PRMT9: variants seen among roughly 807,000 people sequenced by gnomAD.
PRMT9 encodes protein arginine N-methyltransferase 9.
Under a neutral mutation model 83.2 loss-of-function variants are expected in PRMT9, and 59 were observed. The observed-to-expected ratio is 0.71, with a 90% CI of 0.57 to 0.88. PRMT9 has a LOEUF of 0.88. Ranked by LOEUF, PRMT9 falls within the 40% of genes least tolerant of loss-of-function variation. The pLI is 0.00. For missense variants in PRMT9, 947 were observed against 1,021.9 expected (o/e 0.93, Z 1.00); for synonymous variants, 333 against 353.2 (o/e 0.94, Z 0.64).
chr4:147,670,963 T>A (rs1735687195), intron 4 of PRMT9, among the ~76,000 whole-genome samples: 1 of 152,122 alleles, frequency 6.6e-6, no homozygotes, highest in Non-Finnish European at 1.5e-5. Flanking sequence ...TCTCCTTGGT[T>A]TGGAAGATGG....
At chr4:147,663,558 GT>G (rs1735118440) in intron 6 of PRMT9, among the ~76,000 whole-genome samples, 1 of 152,184 alleles carries the variant, frequency 6.6e-6, no homozygotes, top group African/African-American at 2.4e-5. Context: ...TAGAGACAGG[GT>G]TTCGCTGTGT....
At chr4:147,647,421 C>A (rs1733800890) in intron 9 of PRMT9, among the ~76,000 whole-genome samples, 1 of 152,130 alleles carries the variant, frequency 6.6e-6, no homozygotes, top group Non-Finnish European at 1.5e-5. Flanking sequence ...AGCCACCAGT[C>A]CACCAAATTA....
chr4:147,643,812 T>C (rs1733565379), intron 9 of PRMT9, among the ~76,000 whole-genome samples: 1 of 152,102 alleles, frequency 6.6e-6, no homozygotes, highest in African/African-American at 2.4e-5. Context: ...CTGGGCAACA[T>C]AGCAAGACCC....
chr4:147,683,724 T>C, intron 1 of PRMT9, 75 bp downstream of exon 1: 1 of 1,316,146 alleles, frequency 7.6e-7, no homozygotes, highest in Non-Finnish European at 1.1e-6. Flanking sequence ...CCTCCGCTTT[T>C]TTTTTTTTCT....
At chr4:147,670,475 G>A (rs1273454489) in intron 5 of PRMT9, among the ~76,000 whole-genome samples, 166 bp downstream of exon 5, 4 of 152,128 alleles carry the variant, frequency 2.6e-5, no homozygotes, top group Non-Finnish European at 4.4e-5. Context: ...CACTGCACCC[G>A]GCCAGTAAAA....
At chr4:147,650,929 C>T (rs573018754) in intron 9 of PRMT9, among the ~76,000 whole-genome samples, 4 of 152,062 alleles carry the variant, frequency 2.6e-5, no homozygotes, top group South Asian at 4.1e-4. Context: ...GGTGAAACCC[C>T]GTCTCTATTA....
At chr4:147,678,129 A>C (rs939059616) in intron 2 of PRMT9, among the ~76,000 whole-genome samples, 3 of 152,206 alleles carry the variant, frequency 2.0e-5, no homozygotes, top group Non-Finnish European at 1.5e-5. Context: ...CCAGAGACAA[A>C]GGTAGCAGAT....
chr4:147,676,920 T>C (rs1736125419), intron 2 of PRMT9, among the ~76,000 whole-genome samples: 1 of 151,796 alleles, frequency 6.6e-6, no homozygotes, highest in Non-Finnish European at 1.5e-5. Flanking sequence ...GGCATGTGCC[T>C]GTAATTCCAG....
At chr4:147,672,814 T>G in intron 4 of PRMT9, 145 bp downstream of exon 4, 12 of 393,600 alleles carry the variant, frequency 3.0e-5, no homozygotes, top group Middle Eastern at 7.0e-4. Context: ...TAAATATGTC[T>G]TATAATAAAC....
intron 5 of PRMT9, among the ~76,000 whole-genome samples, chr4:147,669,421 T>C (rs984275551): frequency 6.6e-6 from 1 of 151,876 alleles, no homozygotes; most frequent in Non-Finnish European, 1.5e-5. Flanking sequence ...TGTATGAATA[T>C]ATATATTTTT....
At chr4:147,676,957 T>C (rs977446359) in intron 2 of PRMT9, among the ~76,000 whole-genome samples, 4 of 151,196 alleles carry the variant, frequency 2.6e-5, no homozygotes, top group Non-Finnish European at 5.9e-5. Context: ...GGCATGAAAA[T>C]TGCTTGAACC....
chr4:147,682,045 G>A (rs985389347), intron 1 of PRMT9, among the ~76,000 whole-genome samples: 5 of 152,042 alleles, frequency 3.3e-5, no homozygotes, highest in African/African-American at 7.2e-5. Flanking sequence ...ATACACTGTC[G>A]CCCAGGCTGG....
rs996486233 is a variant in PRMT9, at chr4:147,673,868, G to A, written c.345C>T (p.Gly115=). 6.2e-7 allele frequency: 1 copy of A among 1,612,616 alleles called. No homozygotes were observed. Among genetic ancestry groups the A allele is most frequent in the Admixed American group, 1.7e-5 (1 of 60,004 alleles). ...NSMGEHLFRM[G]FRDEAAGYFH... The stretch of plus-strand genomic sequence containing the variant: ...AATACCCAGCTGCTTCATCCCTAAA[G>A]CCCATTCTAGAGTAAAAAATGACAA... The change falls in exon 3 of 12, where the codon GGC becomes GGT. Residue 115 remains glycine, a synonymous_variant. Coordinates refer to ENST00000322396, the MANE Select transcript of PRMT9 (RefSeq NM_138364.4).
chr4:147,645,136 C>T (rs116818300), intron 9 of PRMT9, among the ~76,000 whole-genome samples: 1,822 of 152,140 alleles, frequency 0.012, 41 homozygotes, highest in African/African-American at 0.038. Context: ...TATACATTTC[C>T]AAAATTATAT....
At chr4:147,661,645 C>G (rs1442226175) in intron 6 of PRMT9, among the ~76,000 whole-genome samples, 1 of 151,938 alleles carries the variant, frequency 6.6e-6, no homozygotes, top group African/African-American at 2.4e-5. Flanking sequence ...AAAAGATTAG[C>G]CGGGCGTGTT....
chr4:147,669,979 C>T (rs150204070), intron 5 of PRMT9, among the ~76,000 whole-genome samples: 1 of 152,292 alleles, frequency 6.6e-6, no homozygotes, highest in Non-Finnish European at 1.5e-5. Context: ...TGCCAAAATT[C>T]TAGGCAGTGA....
intron 8 of PRMT9, among the ~76,000 whole-genome samples, chr4:147,655,597 G>A (rs893547187): frequency 6.6e-6 from 1 of 151,980 alleles, no homozygotes; most frequent in Non-Finnish European, 1.5e-5. Flanking sequence ...TTGCCTAGGC[G>A]GGAGTGCAGT....
intron 10 of PRMT9, 173 bp from the exon 11 acceptor site, chr4:147,639,255 C>T (rs776186379): frequency 1.4e-5 from 8 of 591,842 alleles, no homozygotes; most frequent in Non-Finnish European, 2.4e-5. Flanking sequence ...CAAGCTAAGG[C>T]TGGCTTTCAT....
chr4:147,653,870 T>C lies in PRMT9; in HGVS notation c.2027A>G (p.Glu676Gly), dbSNP rs1320223256. 1.9e-6 allele frequency: 3 copies of C among 1,613,558 alleles called. No homozygotes were observed. Among genetic ancestry groups the C allele is most frequent in the South Asian group, 2.2e-5 (2 of 91,018 alleles). The change falls in exon 9 of 12, where the codon GAA (glutamate) becomes GGA (glycine). Residue 676 changes from glutamate (E) to glycine (G), a missense_variant. Physicochemically the swap from Glu to Gly is moderately conservative, Grantham distance 98. Transcript: ENST00000322396. ...GTTTTACCTGGATATTGCAGCTTTT[T>C]CCATTATTTCCTGCTGAATGAGCCC... ...PSGLIQQEIM[E>G]KAAISRCLLQ...
Sources: allele counts gnomAD v4.1 joint callset (sites outside exome capture counted in the v4.1 genomes callset), GRCh38; gene constraint gnomAD v4.1.1; transcripts MANE v1.5; gene names NCBI Gene and HGNC (gene_info 2026-07-23, HGNC 2026-07-21).